The following MID1 variants were observed in gnomAD, a reference collection of about 807,000 sequenced individuals.
MID1 encodes midline 1.
MID1 carries 7 observed loss-of-function variants against 40.4 expected under a neutral mutation model. The observed-to-expected ratio is 0.17, with a 90% CI of 0.10 to 0.33. MID1 has a LOEUF of 0.33. MID1 is among the 10% of genes least tolerant of loss of function. The pLI is 1.00. For missense variants in MID1, 367 were observed against 558.5 expected (o/e 0.66, Z 3.46); for synonymous variants, 229 against 221.2 (o/e 1.04, Z -0.31).
At chrX:10,592,675 A>G (rs1368302807) in intron 1 of MID1, among the ~76,000 whole-genome samples, 4 of 110,608 alleles carry the variant, frequency 3.6e-5, no homozygotes, top group Non-Finnish European at 7.6e-5. Flanking sequence ...AATTCCAAAA[A>G]TGAAAAGCCA....
At chrX:10,656,409 T>C (rs932688467) in intron 1 of MID1, among the ~76,000 whole-genome samples, 2 of 112,025 alleles carry the variant, frequency 1.8e-5, no homozygotes, top group Non-Finnish European at 3.8e-5. Context: ...GCCAAGGGTC[T>C]GTACTGCCAC....
upstream of MID1, among the ~76,000 whole-genome samples, chrX:10,622,331 A>C (rs1935943976): frequency 1.8e-5 from 2 of 111,423 alleles, no homozygotes; most frequent in Non-Finnish European, 3.8e-5. Context: ...AGAAGCTACA[A>C]CTGCGTCTGC....
intron 2 of MID1, among the ~76,000 whole-genome samples, chrX:10,533,559 A>G (rs1334263309): frequency 3.6e-5 from 4 of 111,054 alleles, no homozygotes; most frequent in African/African-American, 6.5e-5. Context: ...TAAAATTTCA[A>G]TATAATTCAA....
chrX:10,822,238 G>A (rs775876867), intron 1 of MID1, among the ~76,000 whole-genome samples: 15 of 111,238 alleles, frequency 1.3e-4, no homozygotes, highest in Admixed American at 2.9e-4. Flanking sequence ...CAAACAATGC[G>A]GAAAGGATTT....
chrX:10,730,664 C>G (rs954170247), intron 1 of MID1, among the ~76,000 whole-genome samples: 1 of 107,454 alleles, frequency 9.3e-6, no homozygotes, highest in Non-Finnish European at 1.9e-5. Context: ...CTCCGCCTCC[C>G]GTGTTCACGC....
chrX:10,691,563 T>C (rs780405725), intron 1 of MID1, among the ~76,000 whole-genome samples: 27 of 112,621 alleles, frequency 2.4e-4, no homozygotes, highest in African/African-American at 8.4e-4. Flanking sequence ...TAAGCCTGTC[T>C]TTACTTTAAT....
At chrX:10,626,428 C>A (rs377474385) in intron 1 of MID1, among the ~76,000 whole-genome samples, 14 of 110,290 alleles carry the variant, frequency 1.3e-4, no homozygotes, top group East Asian at 8.5e-4. Context: ...CAGCCTCAAA[C>A]TCCTGGGCAC....
At chrX:10,715,183 T>G (rs746752291) in intron 1 of MID1, among the ~76,000 whole-genome samples, 1 of 111,931 alleles carries the variant, frequency 8.9e-6, no homozygotes, top group African/African-American at 3.2e-5. Context: ...CACTGGGGAT[T>G]GTTGGACAGT....
chrX:10,547,675 AAAAAGAAAAG>A (rs747177760), intron 2 of MID1, among the ~76,000 whole-genome samples: 1 of 110,581 alleles, frequency 9.0e-6, no homozygotes. Flanking sequence ...AAAGAAAAGA[AAAAAGAAAAG>A]AAAAGAAAAG....
intron 1 of MID1, among the ~76,000 whole-genome samples, chrX:10,651,918 G>A (rs1045917024): frequency 3.6e-5 from 4 of 111,904 alleles, no homozygotes; most frequent in Non-Finnish European, 7.5e-5. Flanking sequence ...GTGAGCCACT[G>A]TGCCAGGTCA....
chrX:10,705,125 G>A (rs986117107), intron 1 of MID1, among the ~76,000 whole-genome samples: 9 of 111,634 alleles, frequency 8.1e-5, no homozygotes, highest in Non-Finnish European at 1.3e-4. Context: ...TAATCACCTA[G>A]CCTTTTTTCT....
chrX:10,582,356 C>G (rs1935039065), intron 1 of MID1, among the ~76,000 whole-genome samples: 1 of 111,842 alleles, frequency 8.9e-6, no homozygotes, highest in Non-Finnish European at 1.9e-5. Flanking sequence ...GGGGAATAGT[C>G]TGGAATAAAA....
At chrX:10,597,002 G>C (rs1444095868) in intron 1 of MID1, among the ~76,000 whole-genome samples, 1 of 110,730 alleles carries the variant, frequency 9.0e-6, no homozygotes, top group Non-Finnish European at 1.9e-5. Context: ...GTGAATGATT[G>C]AATTTATACT....
At chrX:10,597,193 G>A (rs757342063) in intron 1 of MID1, among the ~76,000 whole-genome samples, 2 of 111,278 alleles carry the variant, frequency 1.8e-5, no homozygotes, top group African/African-American at 3.3e-5. Flanking sequence ...GGATCTAACC[G>A]CAAAGAAGCA....
intron 3 of MID1, among the ~76,000 whole-genome samples, chrX:10,504,271 G>A (rs897432074): frequency 9.0e-6 from 1 of 111,279 alleles, no homozygotes; most frequent in Non-Finnish European, 1.9e-5. Context: ...GACCAGGTGC[G>A]ATGCTGCTAA....
chrX:10,474,995 G>GA (rs1242711327), intron 5 of MID1: 19 of 430,637 alleles, frequency 4.4e-5, no homozygotes, highest in African/African-American at 2.4e-4. Flanking sequence ...TTACTATCAG[G>GA]AAAAAAAATT....
intron 5 of MID1, among the ~76,000 whole-genome samples, chrX:10,478,033 C>T (rs1001908499): frequency 8.9e-6 from 1 of 112,202 alleles, no homozygotes; most frequent in Non-Finnish European, 1.9e-5. Flanking sequence ...TAGTGAGGAA[C>T]AGAAGGATCA....
intron 9 of MID1, among the ~76,000 whole-genome samples, chrX:10,450,370 G>A (rs1375741609): frequency 1.8e-5 from 2 of 112,182 alleles, no homozygotes; most frequent in Non-Finnish European, 3.8e-5. Flanking sequence ...CCCATTTGCA[G>A]GGATAAATCC....
intron 5 of MID1, among the ~76,000 whole-genome samples, chrX:10,477,341 T>C (rs934019665): frequency 8.9e-6 from 1 of 112,387 alleles, no homozygotes; most frequent in Non-Finnish European, 1.9e-5. Flanking sequence ...CTGTTAATAA[T>C]GTCTACCATC....
Sources: gnomAD v4.1 joint callset for allele counts (sites outside exome capture counted in the v4.1 genomes callset) on GRCh38, gnomAD v4.1.1 for gene constraint, MANE v1.5 for transcripts, NCBI Gene and HGNC (gene_info 2026-07-23, HGNC 2026-07-21) for gene names.